CXADR: variants seen among roughly 807,000 people sequenced by gnomAD.
The protein encoded by CXADR is coxsackievirus and adenovirus receptor.
A neutral mutation model predicts 40.3 loss-of-function variants in CXADR; 20 were observed. The ratio of observed to expected loss-of-function variants is 0.50; its 90% CI spans 0.35 to 0.72. The LOEUF (loss-of-function observed/expected upper bound fraction) is 0.72. Among genes scored for constraint, CXADR ranks in the 30% least tolerant of loss-of-function variants. The pLI, the probability that CXADR is intolerant of heterozygous loss-of-function variation, is 0.01. For synonymous variants in CXADR, 150 were observed against 161.3 expected (o/e 0.93, Z 0.53); for missense variants, 332 against 449.1 (o/e 0.74, Z 2.36).
chr21:17,540,782 A>C (rs1321102670), intron 1 of CXADR, among the ~76,000 whole-genome samples: 1 of 152,236 alleles, frequency 6.6e-6, no homozygotes, highest in Non-Finnish European at 1.5e-5. Context: ...CTGCGTTGAC[A>C]GTAGGTTGTG....
the CXADR span, chr21:17,598,848 C>G: frequency 2.5e-6 from 4 of 1,590,950 alleles, no homozygotes; most frequent in Non-Finnish European, 3.4e-6. Flanking sequence ...TAAAAACTTA[C>G]AAATCTTGAA....
chr21:17,577,302 A>G (rs2061328602), intron 7 of CXADR, among the ~76,000 whole-genome samples: 1 of 152,156 alleles, frequency 6.6e-6, no homozygotes, highest in Non-Finnish European at 1.5e-5. Context: ...TTTAAAGTGC[A>G]TGTTCTCTAA....
intron 7 of CXADR, among the ~76,000 whole-genome samples, chr21:17,585,670 A>C (rs2061390227): frequency 1.3e-5 from 2 of 152,104 alleles, no homozygotes; most frequent in African/African-American, 4.8e-5. Flanking sequence ...GGCGCGTGCC[A>C]CTACGCCCAG....
At chr21:17,555,821 A>G (rs951075570) in intron 3 of CXADR, among the ~76,000 whole-genome samples, 1 of 152,084 alleles carries the variant, frequency 6.6e-6, no homozygotes, top group South Asian at 2.1e-4. Context: ...ACTTTTGCCT[A>G]TTGATTTTAG....
intron 3 of CXADR, among the ~76,000 whole-genome samples, chr21:17,553,366 A>G (rs2060993996): frequency 6.6e-6 from 1 of 152,204 alleles, no homozygotes; most frequent in African/African-American, 2.4e-5. Context: ...CTTGGTAGAT[A>G]GACTCTGCTG....
In CXADR at chr21:17,547,131, C is replaced by T. The variant is rs767130249; in HGVS notation, c.148C>T (p.Gln50Ter). 3.7e-6 allele frequency: 6 copies of T among 1,614,134 alleles called. No homozygotes were observed. The highest frequency in any genetic ancestry group is 5.1e-6 in the Non-Finnish European group (6 of 1,180,020). ...PCKFTLSPED[Q>*]GPLDIEWLIS... ...CAAATTTACGCTTAGTCCCGAAGAC[C>T]AGGGACCGCTGGACATCGAGTGGCT... Residue 50 changes from glutamine to a stop codon, truncating the protein, a stop_gained, in exon 2 of 7, where the codon CAG becomes TAG. Transcript: ENST00000284878. LOFTEE classifies it high-confidence loss of function.
In CXADR at chr21:17,547,045, G is replaced by A. The variant is rs1411880031; in HGVS notation, c.62G>A (p.Ser21Asn). ...TCTCTAGATTTCGCCAGAAGTTTGA[G>A]TATCACTACTCCTGAAGAGATGATT... Reference protein sequence around the residue: ...CGVVDFARSLSITTPEEMIEK... With the variant: ...CGVVDFARSLNITTPEEMIEK... The change falls in exon 2 of 7, where the codon AGT becomes AAT. Residue 21 changes from serine (S) to asparagine (N), a missense_variant. Physicochemically the swap from Ser to Asn is conservative, Grantham distance 46. This residue lies in a region of CXADR where 162 missense variants were observed against 198.5 expected (regional missense o/e 0.82). Coordinates refer to ENST00000284878, the MANE Select transcript of CXADR (RefSeq NM_001338.5). The A allele has an allele frequency of 3.1e-6, 5 of 1,612,850 alleles. No homozygotes were observed. The East Asian group carries it at 1.1e-4, about 36-fold the overall frequency.
rs892114570 is a variant in CXADR at position 17,566,608 on chromosome 21, T to C, written c.*916T>C. On this transcript the variant is annotated 3_prime_UTR_variant, in exon 7 of 7. Coordinates refer to ENST00000284878, the MANE Select transcript of CXADR (RefSeq NM_001338.5). The stretch of plus-strand genomic sequence containing the variant: ...CATTTGTTGTTTGACACTTATAGAT[T>C]GAAATTTCCTAATTTATTCTAAATT... The C allele has an allele frequency of 2.8e-5, 28 of 983,242 alleles. No individual in the cohort carries two copies. Among genetic ancestry groups the C allele is most frequent in the African/African-American group, 3.5e-5 (2 of 57,192 alleles). 60.9% of individuals were successfully genotyped at this position (983,242 alleles called of 1,614,324 possible).
chr21:17,553,742 G>A (rs1016517564), intron 3 of CXADR, among the ~76,000 whole-genome samples: 8 of 151,210 alleles, frequency 5.3e-5, no homozygotes, highest in South Asian at 2.1e-4. Context: ...TTGTCTTGCC[G>A]TCCTGATTAG....
At chr21:17,626,518 G>T in the CXADR span, among the ~76,000 whole-genome samples, 3 of 152,056 alleles carry the variant, frequency 2.0e-5, no homozygotes, top group Admixed American at 2.0e-4. Flanking sequence ...CAAGGAATCA[G>T]CATTTTTTTT....
At chr21:17,616,841 A>C in the CXADR span, among the ~76,000 whole-genome samples, 1 of 152,222 alleles carries the variant, frequency 6.6e-6, no homozygotes, top group South Asian at 2.1e-4. Context: ...TAACTAAATT[A>C]AAAAAGACTA....
intron 1 of CXADR, among the ~76,000 whole-genome samples, chr21:17,519,899 C>T (rs997211811): frequency 2.6e-5 from 4 of 152,010 alleles, no homozygotes; most frequent in African/African-American, 7.3e-5. Context: ...GCTGAGGTTT[C>T]AGTGAGCTGA....
the CXADR span, among the ~76,000 whole-genome samples, chr21:17,600,563 G>A: frequency 6.6e-6 from 1 of 152,112 alleles, no homozygotes; most frequent in African/African-American, 2.4e-5. Flanking sequence ...GCTTACACCT[G>A]TAATTCCAGC....
At chr21:17,578,581 A>C (rs1449939211) in intron 7 of CXADR, among the ~76,000 whole-genome samples, 4 of 152,230 alleles carry the variant, frequency 2.6e-5, no homozygotes, top group African/African-American at 9.6e-5. Context: ...TCACGCCTGT[A>C]ATCCTAGCAC....
chr21:17,614,288 AC>A, the CXADR span, among the ~76,000 whole-genome samples: 13 of 152,146 alleles, frequency 8.5e-5, no homozygotes, highest in Admixed American at 8.5e-4. Flanking sequence ...TAGCTAGGTA[AC>A]CACCCACATT....
chr21:17,541,866 A>G (rs1364212764), intron 1 of CXADR: 1 of 199,372 alleles, frequency 5.0e-6, no homozygotes, highest in Non-Finnish European at 1.0e-5. Context: ...TCGTTTGATT[A>G]AGGTGATGTA....
In CXADR at chr21:17,565,806, T is replaced by G; in HGVS notation, c.*114T>G. ...CCTCAAAATACATCAAAAAATAAGT[T>G]AATCAGGAACTGTACGGAATATATT... On this transcript the variant is annotated 3_prime_UTR_variant, in exon 7 of 7. Coordinates refer to ENST00000284878, the MANE Select transcript of CXADR (RefSeq NM_001338.5). 1 of 1,449,888 alleles carries G rather than the reference T, an allele frequency of 6.9e-7. No individual in the cohort carries two copies. The highest frequency in any genetic ancestry group is 9.0e-7 in the Non-Finnish European group (1 of 1,106,690). 89.8% of individuals were successfully genotyped at this position (1,449,888 alleles called of 1,614,324 possible).
chr21:17,531,338 T>C (rs998134754), intron 1 of CXADR, among the ~76,000 whole-genome samples: 3 of 152,022 alleles, frequency 2.0e-5, no homozygotes, highest in African/African-American at 7.2e-5. Flanking sequence ...GTTAAGAAAG[T>C]TCCAGTTGCG....
At chr21:17,618,698 G>A in the CXADR span, among the ~76,000 whole-genome samples, 9 of 151,958 alleles carry the variant, frequency 5.9e-5, no homozygotes, top group East Asian at 1.9e-4. Context: ...CACCACGCCC[G>A]GCTAATTTTT....
Sources: gnomAD v4.1 joint callset for allele counts (sites outside exome capture counted in the v4.1 genomes callset) on GRCh38, gnomAD v4.1.1 for gene constraint, gnomAD v4.1.1 regional missense constraint, MANE v1.5 for transcripts, NCBI Gene and HGNC (gene_info 2026-07-23, HGNC 2026-07-21) for gene names.